COPA: variants seen among roughly 807,000 people sequenced by gnomAD.
COPA encodes the protein coatomer subunit alpha.
Under a neutral mutation model 158.7 loss-of-function variants are expected in COPA, and 10 were observed. The observed-to-expected ratio is 0.06, with a 90% CI of 0.04 to 0.11. The LOEUF is 0.11. Ranked by LOEUF, COPA falls within the 10% of genes least tolerant of loss-of-function variation. The pLI is 1.00. For synonymous variants in COPA, 462 were observed against 542.8 expected (o/e 0.85, Z 2.07); for missense variants, 1,065 against 1,536.7 (o/e 0.69, Z 5.13).
At chr1:160,312,129 T>C in intron 10 of COPA, 111 bp from the exon 11 acceptor site, 1 of 1,026,510 alleles carries the variant, frequency 9.7e-7, no homozygotes, top group South Asian at 1.7e-5. Context: ...GACACCTGAA[T>C]GCATCCCTTA....
rs1557870049 is a variant in COPA, at chr1:160,318,487, AAAAAC to A, written c.707-4367_707-4363del. On this transcript the variant is annotated intron_variant, in intron 8 of 32. Transcript: ENST00000241704. ...TATTTGTAAAAAAAAAAAAAAAAAA[AAAAAC>A]AAAAAAAAAAAAAAAACACTAATGT... is the stretch of plus-strand genomic sequence containing the variant. Among the ~76,000 whole-genome samples the A allele has an allele frequency of 6.6e-4, 45 of 67,920 alleles. 3 individuals carry two copies. The highest frequency in any genetic ancestry group is 3.6e-3 in the African/African-American group (43 of 11,914). The allele number at this position is 67,920 out of a possible 152,430, so 44.6% of individuals were successfully genotyped here.
intron 8 of COPA, 112 bp from the exon 9 acceptor site, chr1:160,314,237 T>A: frequency 8.7e-7 from 1 of 1,144,246 alleles, no homozygotes; most frequent in East Asian, 2.6e-5. Flanking sequence ...GAATGCTAAA[T>A]TGCCAACTTC....
intron 26 of COPA, 35 bp downstream of exon 26, chr1:160,293,351 C>T (rs1658301941): frequency 2.5e-6 from 4 of 1,612,612 alleles, no homozygotes; most frequent in Non-Finnish European, 3.4e-6. Context: ...GTATTAGCCA[C>T]TCATCCCTGC....
intron 8 of COPA, among the ~76,000 whole-genome samples, chr1:160,322,708 T>C (rs1659364735): frequency 6.6e-6 from 1 of 152,120 alleles, no homozygotes; most frequent in African/African-American, 2.4e-5. Flanking sequence ...GGCAAGGGTA[T>C]GGAGAAAGGG....
chr1:160,294,402 G>A (rs1448916780), intron 25 of COPA, 82 bp downstream of exon 25: 8 of 1,209,506 alleles, frequency 6.6e-6, no homozygotes, highest in Non-Finnish European at 9.8e-6. Context: ...GAGACCTGAG[G>A]ATAGTGGTAG....
intron 1 of COPA, among the ~76,000 whole-genome samples, 199 bp from the exon 2 acceptor site, chr1:160,340,493 T>C (rs1184477126): frequency 6.6e-6 from 1 of 152,248 alleles, no homozygotes; most frequent in Admixed American, 6.5e-5. Flanking sequence ...TTACATATTC[T>C]TGGGCTTTGC....
Position 160,295,852 on chromosome 1 carries a change from T to G in COPA, c.2360A>C (p.Asp787Ala), listed in dbSNP as rs2101825728. The G allele has an allele frequency of 1.2e-6, 2 of 1,607,926 alleles. No homozygotes were observed. The highest frequency in any genetic ancestry group is 4.5e-5 in the East Asian group (2 of 44,850). ...GAGCAGCTTGGCATTAGGGTCAATGTCTGGGATCTGAATAGTAGAAGAAAA... is the reference window on the plus strand; with the variant it reads ...GAGCAGCTTGGCATTAGGGTCAATGGCTGGGATCTGAATAGTAGAAGAAAA... Reference protein sequence around the residue: ...TFDPEKETIPDIDPNAKLLQP... With the variant: ...TFDPEKETIPAIDPNAKLLQP... Residue 787 changes from aspartate to alanine, a missense_variant, in exon 23 of 33, where the codon GAC (aspartate) becomes GCC (alanine). Transcript: ENST00000241704.
At position 160,313,187 on chromosome 1, in the gene COPA, A is replaced by G; in HGVS notation, c.843-20T>C. The G allele has an allele frequency of 1.2e-6, 2 of 1,606,656 alleles. No homozygotes were observed. The highest frequency in any genetic ancestry group is 1.7e-6 in the Non-Finnish European group (2 of 1,173,548). ...CCAGTCCTAGAAAAGGTACACAAAA[A>G]GAAAAACATTAATTTCCTAGGAATC... On this transcript the variant is annotated intron_variant, in intron 9 of 32. Coordinates refer to ENST00000241704, the MANE Select transcript of COPA (RefSeq NM_004371.4).
At chr1:160,324,905 C>T (rs987497934) in intron 7 of COPA, among the ~76,000 whole-genome samples, 1 of 152,052 alleles carries the variant, frequency 6.6e-6, no homozygotes, top group Non-Finnish European at 1.5e-5. Flanking sequence ...GTGACAGAAT[C>T]CTGGATAAGG....
intron 17 of COPA, among the ~76,000 whole-genome samples, chr1:160,303,042 A>G (rs1016300340): frequency 2.0e-5 from 3 of 152,002 alleles, no homozygotes; most frequent in Non-Finnish European, 4.4e-5. Context: ...GTGTGGTGGC[A>G]TGCGCCTATA....
chr1:160,302,703 C>T (rs1658652893), intron 17 of COPA, among the ~76,000 whole-genome samples: 1 of 151,796 alleles, frequency 6.6e-6, no homozygotes, highest in South Asian at 2.1e-4. Context: ...TACAGGCGCC[C>T]ACCACCACGC....
chr1:160,332,951 AT>A (rs1196350091), intron 5 of COPA, among the ~76,000 whole-genome samples: 5 of 151,936 alleles, frequency 3.3e-5, no homozygotes, highest in Non-Finnish European at 7.4e-5. Context: ...TTGAGATGGA[AT>A]TTCACTCTGT....
chr1:160,325,777 GAAAA>G (rs1659472647), intron 6 of COPA, 125 bp from the exon 7 acceptor site: 2 of 696,786 alleles, frequency 2.9e-6, no homozygotes. Flanking sequence ...ACTGAAGAAA[GAAAA>G]GAGACTCAAG....
intron 6 of COPA, among the ~76,000 whole-genome samples, chr1:160,328,470 C>T (rs1369540016): frequency 3.9e-5 from 6 of 152,084 alleles, no homozygotes; most frequent in South Asian, 2.1e-4. Flanking sequence ...TAGGACTGAA[C>T]GACAGATGGA....
At chr1:160,312,936 A>G in intron 10 of COPA, 149 bp downstream of exon 10, 1 of 676,108 alleles carries the variant, frequency 1.5e-6, no homozygotes, top group Admixed American at 3.0e-5. Context: ...GGAAGAAAAA[A>G]AGGAGAAAAG....
At chr1:160,298,020 A>T (rs912435501) in intron 19 of COPA, among the ~76,000 whole-genome samples, 1 of 152,002 alleles carries the variant, frequency 6.6e-6, no homozygotes, top group Admixed American at 6.6e-5. Context: ...TCTACTAAAA[A>T]TACAAAAAAA....
intron 6 of COPA, among the ~76,000 whole-genome samples, chr1:160,326,488 C>G (rs1181087348): frequency 6.6e-6 from 1 of 152,164 alleles, no homozygotes; most frequent in Non-Finnish European, 1.5e-5. Flanking sequence ...ATGATGGCGC[C>G]ACTGCACTCC....
At chr1:160,298,096 G>A (rs1248772491) in intron 19 of COPA, among the ~76,000 whole-genome samples, 2 of 151,734 alleles carry the variant, frequency 1.3e-5, no homozygotes, top group South Asian at 4.2e-4. Flanking sequence ...CAGGAGAATC[G>A]CTTGGACCCA....
chr1:160,318,762 T>C (rs1404159106), intron 8 of COPA, among the ~76,000 whole-genome samples: 2 of 152,066 alleles, frequency 1.3e-5, no homozygotes, highest in African/African-American at 4.8e-5. Flanking sequence ...CCTTTGTTTT[T>C]GTTCTTGTGT....
Sources: gnomAD v4.1 joint callset for allele counts (sites outside exome capture counted in the v4.1 genomes callset) on GRCh38, gnomAD v4.1.1 for gene constraint, MANE v1.5 for transcripts, NCBI Gene and HGNC (gene_info 2026-07-23, HGNC 2026-07-21) for gene names.